Variants in SLC15A1 observed in about 807,000 individuals in gnomAD.
SLC15A1 encodes solute carrier family 15 member 1.
Under a neutral mutation model 92.9 loss-of-function variants are expected in SLC15A1, and 83 were observed. The ratio of observed to expected loss-of-function variants is 0.89; its 90% CI spans 0.75 to 1.07. The LOEUF is 1.07. SLC15A1 is among the 50% of genes least tolerant of loss of function. The pLI is 0.00. For synonymous variants in SLC15A1, 322 were observed against 318.2 expected, an observed-to-expected ratio of 1.01 and a Z score of -0.13; for missense variants, 857 against 880.1, an observed-to-expected ratio of 0.97 and a Z score of 0.33.
intron 1 of SLC15A1, among the ~76,000 whole-genome samples, chr13:98,746,374 T>G (rs986302470): frequency 2.6e-5 from 4 of 152,228 alleles, no homozygotes; most frequent in Admixed American, 6.5e-5. Context: ...TATATTTTTT[T>G]GGGTATATAC....
intron 8 of SLC15A1, 111 bp downstream of exon 8, chr13:98,719,126 A>C (rs180843501): frequency 2.8e-6 from 2 of 705,964 alleles, no homozygotes; most frequent in African/African-American, 3.6e-5. Flanking sequence ...AATTCTTCTC[A>C]CTACTTTTTG....
At chr13:98,692,261 C>T (rs2087986774) in intron 18 of SLC15A1, among the ~76,000 whole-genome samples, 2 of 150,278 alleles carry the variant, frequency 1.3e-5, no homozygotes, top group Non-Finnish European at 3.0e-5. Context: ...TCAAACAATC[C>T]TCTCACCTCA....
chr13:98,749,719 C>T (rs12427740), intron 1 of SLC15A1, among the ~76,000 whole-genome samples: 2 of 152,068 alleles, frequency 1.3e-5, no homozygotes, highest in Non-Finnish European at 2.9e-5. Context: ...GGCTAGGATC[C>T]CCAAACTATG....
chr13:98,685,464 C>A (rs1468763522), intron 22 of SLC15A1, among the ~76,000 whole-genome samples: 1 of 151,930 alleles, frequency 6.6e-6, no homozygotes, highest in African/African-American at 2.4e-5. Context: ...ATCAGTAGAG[C>A]CCTCATTTAA....
At chr13:98,726,634 A>G (rs1276763108) in intron 2 of SLC15A1, 185 bp from the exon 3 acceptor site, 6 of 746,226 alleles carry the variant, frequency 8.0e-6, no homozygotes, top group Non-Finnish European at 1.4e-5. Flanking sequence ...TAGAGACAGC[A>G]ATGAAATAAA....
chr13:98,723,337 T>C (rs1029235659), intron 5 of SLC15A1, among the ~76,000 whole-genome samples: 4 of 152,210 alleles, frequency 2.6e-5, no homozygotes, highest in African/African-American at 9.7e-5. Flanking sequence ...AGTTTACTTA[T>C]AGATCAAGGA....
intron 16 of SLC15A1, 61 bp downstream of exon 16, chr13:98,706,073 T>C: frequency 6.4e-7 from 1 of 1,562,110 alleles, no homozygotes; most frequent in South Asian, 1.2e-5. Context: ...ACAGCTTCTC[T>C]AAATCCTATT....
intron 1 of SLC15A1, among the ~76,000 whole-genome samples, chr13:98,727,624 C>T (rs375878962): frequency 7.9e-5 from 12 of 152,294 alleles, no homozygotes; most frequent in African/African-American, 2.6e-4. Flanking sequence ...ATCCTAGGAG[C>T]GCCTCATCCC....
chr13:98,723,853 A>G (rs2088278004), intron 5 of SLC15A1, 59 bp downstream of exon 5: 1 of 1,608,294 alleles, frequency 6.2e-7, no homozygotes, highest in Non-Finnish European at 8.5e-7. Flanking sequence ...CGAAGACTTA[A>G]GGCATCAAAT....
intron 8 of SLC15A1, among the ~76,000 whole-genome samples, chr13:98,718,387 A>C (rs1374909633): frequency 7.4e-6 from 1 of 135,784 alleles, no homozygotes; most frequent in East Asian, 2.5e-4. Context: ...TGGTGCAATC[A>C]TGGCTCACTG....
chr13:98,699,039 A>G (rs2088045814), intron 18 of SLC15A1, among the ~76,000 whole-genome samples: 1 of 152,148 alleles, frequency 6.6e-6, no homozygotes, highest in East Asian at 1.9e-4. Flanking sequence ...CTTGATTTAT[A>G]AATACTGTCA....
At chr13:98,692,908 T>C (rs1167365865) in intron 18 of SLC15A1, among the ~76,000 whole-genome samples, 4 of 151,708 alleles carry the variant, frequency 2.6e-5, no homozygotes, top group Admixed American at 2.6e-4. Flanking sequence ...TGGCTAATTT[T>C]TGTCTTTTTT....
chr13:98,692,827 C>T (rs113325398), intron 18 of SLC15A1, among the ~76,000 whole-genome samples: 1 of 152,076 alleles, frequency 6.6e-6, no homozygotes, highest in Non-Finnish European at 1.5e-5. Flanking sequence ...CTTATTGCAG[C>T]CTCGACCTCC....
At chr13:98,734,734 T>C (rs2088377469) in intron 1 of SLC15A1, among the ~76,000 whole-genome samples, 1 of 152,156 alleles carries the variant, frequency 6.6e-6, no homozygotes, top group Non-Finnish European at 1.5e-5. Context: ...CTAGAAAATC[T>C]AGAAGAAATG....
intron 1 of SLC15A1, among the ~76,000 whole-genome samples, chr13:98,727,176 C>T (rs1322472315): frequency 6.6e-6 from 1 of 152,240 alleles, no homozygotes; most frequent in Non-Finnish European, 1.5e-5. Context: ...AAAATCCACA[C>T]ATTCTAGCAT....
In SLC15A1 at chr13:98,712,580, G is replaced by A. The variant is rs867664499; in HGVS notation, c.728C>T (p.Ala243Val). 3 of 1,604,678 alleles carry A rather than the reference G, an allele frequency of 1.9e-6. No homozygotes were observed. The highest frequency in any genetic ancestry group is 2.6e-6 in the Non-Finnish European group (3 of 1,175,814). ...CCGATGCCTAAATCTATTTTTGATG[G>A]CAAACTGAAGGAAGGAAGAAAAATC... ...MGKVAKCIGF[A>V]IKNRFRHRSK... Residue 243 changes from alanine (A) to valine (V), a missense_variant, in exon 10 of 23, where the codon GCC becomes GTC. By Grantham distance (64) the Ala-to-Val change is moderately conservative. Coordinates refer to ENST00000376503, the MANE Select transcript of SLC15A1 (RefSeq NM_005073.4).
intron 7 of SLC15A1, among the ~76,000 whole-genome samples, chr13:98,720,086 C>T (rs972027796): frequency 6.6e-6 from 1 of 152,188 alleles, no homozygotes; most frequent in African/African-American, 2.4e-5. Context: ...CAGGGTTTTG[C>T]TTTGGTTCAG....
At chr13:98,726,897 C>T in intron 1 of SLC15A1, 38 bp from the exon 2 acceptor site, 2 of 1,609,884 alleles carry the variant, frequency 1.2e-6, no homozygotes, top group African/African-American at 2.7e-5. Flanking sequence ...AAAGTCAAGC[C>T]ATTACAATAG....
chr13:98,696,153 A>G (rs970909208), intron 18 of SLC15A1, among the ~76,000 whole-genome samples: 1 of 151,604 alleles, frequency 6.6e-6, no homozygotes, highest in Non-Finnish European at 1.5e-5. Context: ...GTGGCTCGCA[A>G]CTGTAATCCC....
Sources: allele counts gnomAD v4.1 joint callset (sites outside exome capture counted in the v4.1 genomes callset), GRCh38; gene constraint gnomAD v4.1.1; transcripts MANE v1.5; gene names NCBI Gene and HGNC (gene_info 2026-07-23, HGNC 2026-07-21).